DNAJB6: variants seen among roughly 807,000 people sequenced by gnomAD.
The protein encoded by DNAJB6 is dnaJ homolog subfamily B member 6.
In DNAJB6, 16 loss-of-function variants were observed where a neutral mutation model predicts 42.7. The ratio of observed to expected loss-of-function variants is 0.37; its 90% confidence interval spans 0.25 to 0.57. The LOEUF is 0.57. Ranked by LOEUF, DNAJB6 falls within the 20% of genes least tolerant of loss-of-function variation. The pLI is 0.74. For synonymous variants in DNAJB6, 170 were observed against 163.5 expected (o/e 1.04, Z -0.30); for missense variants, 347 against 416.8 (o/e 0.83, Z 1.46).
At chr7:157,342,215 TG>T (rs1429299466) in intron 1 of DNAJB6, among the ~76,000 whole-genome samples, 3 of 151,998 alleles carry the variant, frequency 2.0e-5, no homozygotes, top group Non-Finnish European at 4.4e-5. Context: ...TCACCCAGAC[TG>T]GAGTGCAGTG....
At chr7:157,382,586 TCTC>T (rs888077351) in intron 6 of DNAJB6, 69 of 381,106 alleles carry the variant, frequency 1.8e-4, no homozygotes, top group African/African-American at 1.3e-3. Context: ...TTGGAAATCT[TCTC>T]CTCTTAATAT....
intron 5 of DNAJB6, chr7:157,370,664 T>A (rs1800163621): frequency 6.6e-6 from 1 of 152,638 alleles, no homozygotes; most frequent in South Asian, 2.1e-4. Context: ...CGCTTTACTG[T>A]TAAATGCTCC....
chr7:157,387,474 A>T (rs965144520), intron 8 of DNAJB6, among the ~76,000 whole-genome samples: 4 of 152,180 alleles, frequency 2.6e-5, no homozygotes, highest in Non-Finnish European at 5.9e-5. Context: ...TTTTGTTACT[A>T]AATAAATTCA....
chr7:157,391,594 G>A (rs537639403), intron 8 of DNAJB6, among the ~76,000 whole-genome samples: 147 of 152,326 alleles, frequency 9.7e-4, no homozygotes, highest in African/African-American at 3.4e-3. Context: ...TCTAGTGAGT[G>A]GCTGGGCACA....
Position 157,367,422 on chromosome 7 carries a change from C to T in DNAJB6, c.285C>T (p.Asn95=). ...SPFEFGFTFR[N]PDDVFREFFG... ...TTGAATTTGGCTTCACATTCCGTAA[C>T]CCAGATGATGTCTTCAGGGAATTTT... The change falls in exon 5 of 10, where the codon AAC becomes AAT. Residue 95 remains asparagine, a synonymous_variant. Coordinates refer to ENST00000262177, the MANE Select transcript of DNAJB6 (RefSeq NM_058246.4). The T allele has an allele frequency of 6.2e-7, 1 of 1,613,708 alleles. No individual in the cohort carries two copies. Among genetic ancestry groups the T allele is most frequent in the Non-Finnish European group, 8.5e-7 (1 of 1,179,656 alleles).
At chr7:157,368,111 C>T (rs549039111) in intron 5 of DNAJB6, among the ~76,000 whole-genome samples, 2 of 152,114 alleles carry the variant, frequency 1.3e-5, no homozygotes, top group African/African-American at 4.8e-5. Flanking sequence ...AAGGCCCTGT[C>T]TCAAAAAAAT....
intron 5 of DNAJB6, among the ~76,000 whole-genome samples, chr7:157,376,724 TA>T (rs1248107663): frequency 6.6e-6 from 1 of 151,682 alleles, no homozygotes; most frequent in Non-Finnish European, 1.5e-5. Context: ...CTACTAAAAA[TA>T]AAAAAATTAG....
At chr7:157,365,709 G>C (rs1799809405) in intron 3 of DNAJB6, among the ~76,000 whole-genome samples, 1 of 152,200 alleles carries the variant, frequency 6.6e-6, no homozygotes, top group African/African-American at 2.4e-5. Context: ...TCGTTGCCCA[G>C]GCTTGAGTGC....
intron 1 of DNAJB6, chr7:157,337,855 C>G (rs571281297): frequency 3.3e-5 from 5 of 152,202 alleles, no homozygotes; most frequent in Non-Finnish European, 7.3e-5. Context: ...TATATTGGCT[C>G]GAGAAAGGTT....
At chr7:157,340,998 G>GCGTGCGCGCGCT (rs1554450085) in intron 1 of DNAJB6, among the ~76,000 whole-genome samples, 1 of 134,960 alleles carries the variant, frequency 7.4e-6, no homozygotes. Context: ...GTGTGTGTGT[G>GCGTGCGCGCGCT]CGCGCGCGCA....
At chr7:157,367,181 A>G (rs753955739) in intron 4 of DNAJB6, among the ~76,000 whole-genome samples, 192 bp from the exon 5 acceptor site, 1 of 152,244 alleles carries the variant, frequency 6.6e-6, no homozygotes, top group Non-Finnish European at 1.5e-5. Flanking sequence ...CTGCACTCAT[A>G]TGCCATCAGC....
rs575429048 is a variant in DNAJB6, at chr7:157,340,739, C to T, written c.-27+3595C>T. 2.0e-4 allele frequency among the ~76,000 whole-genome samples: 30 copies of T among 152,066 alleles called. No individual in the cohort carries two copies. In the East Asian group the frequency reaches 2.3e-3, roughly 12 times the overall value. Reference sequence around the variant, plus strand: ...TGTCCCAGGCTGGAGTGCAGTGGCGCGGTCTTGGCTCACTGCACTCCTGGG... The same window carrying T: ...TGTCCCAGGCTGGAGTGCAGTGGCGTGGTCTTGGCTCACTGCACTCCTGGG... On this transcript the variant is annotated intron_variant, in intron 1 of 9. Transcript: ENST00000262177.
intron 1 of DNAJB6, among the ~76,000 whole-genome samples, chr7:157,338,680 G>A (rs865973963): frequency 1.3e-5 from 2 of 152,242 alleles, no homozygotes; most frequent in African/African-American, 4.8e-5. Flanking sequence ...CTCCCTTGGA[G>A]TTTGTGCTTT....
intron 9 of DNAJB6, chr7:157,415,203 C>A (rs1796080899): frequency 6.6e-6 from 1 of 152,270 alleles, no homozygotes; most frequent in Non-Finnish European, 1.5e-5. Flanking sequence ...GGGCCTGTTT[C>A]CTGCACCCAC....
intron 8 of DNAJB6, among the ~76,000 whole-genome samples, chr7:157,406,420 G>T (rs867622343): frequency 6.6e-6 from 1 of 152,214 alleles, no homozygotes; most frequent in Non-Finnish European, 1.5e-5. Flanking sequence ...GGACTGTGTC[G>T]GACTGCTGGG....
At chr7:157,388,325 G>T (rs573927746) in intron 8 of DNAJB6, among the ~76,000 whole-genome samples, 219 of 152,298 alleles carry the variant, frequency 1.4e-3, no homozygotes, top group South Asian at 4.8e-3. Context: ...GAAAAGTTAG[G>T]AAATGGCTGT....
intron 1 of DNAJB6, among the ~76,000 whole-genome samples, chr7:157,341,501 T>A (rs1359418456): frequency 6.6e-6 from 1 of 152,238 alleles, no homozygotes. Flanking sequence ...ACATATGATT[T>A]TTCCCCCTTT....
chr7:157,380,941 G>A (rs1348771828), intron 5 of DNAJB6: 1 of 152,064 alleles, frequency 6.6e-6, no homozygotes, highest in East Asian at 1.9e-4. Context: ...CCTGTACGTC[G>A]GTCCTTTCAA....
At chr7:157,360,532 T>C (rs1799530992) in intron 2 of DNAJB6, among the ~76,000 whole-genome samples, 1 of 152,232 alleles carries the variant, frequency 6.6e-6, no homozygotes, top group African/African-American at 2.4e-5. Context: ...TTGGTTTTAG[T>C]TGTTTCTGAG....
Sources: allele counts gnomAD v4.1 joint callset (sites outside exome capture counted in the v4.1 genomes callset), GRCh38; gene constraint gnomAD v4.1.1; transcripts MANE v1.5; gene names NCBI Gene and HGNC (gene_info 2026-07-23, HGNC 2026-07-21).